Variants in SYCP1 observed in about 807,000 individuals in gnomAD.
SYCP1 encodes cancer/testis antigen 8.
In SYCP1, 64 loss-of-function variants were observed where a neutral mutation model predicts 153.1. The observed-to-expected ratio is 0.42, with a 90% confidence interval of 0.34 to 0.51. The LOEUF is 0.51. Ranked by LOEUF, SYCP1 falls within the 20% of genes least tolerant of loss-of-function variation. The probability of loss-of-function intolerance (pLI) is 0.06; values close to 1 mark genes in which losing one functional copy is unlikely to be tolerated. For synonymous variants in SYCP1, 384 were observed against 341.8 expected, an observed-to-expected ratio of 1.12 and a Z score of -1.36; for missense variants, 997 against 1,049.0, an observed-to-expected ratio of 0.95 and a Z score of 0.68.
rs1674200561 is a variant in SYCP1, at chr1:114,995,165, AG to A, written c.*147del. 9.0e-6 allele frequency: 7 copies of A among 781,450 alleles called. No homozygotes were observed. The highest frequency in any genetic ancestry group is 1.1e-5 in the Non-Finnish European group (6 of 530,548). 48.4% of individuals were successfully genotyped at this position (781,450 alleles called of 1,614,324 possible). A position where few individuals can be genotyped will look rare whatever the true frequency, so the allele number is the denominator to read the frequency against. ...ATGATTTGTGTTTCTTTATATTTTT[AG>A]CCTAAATGTTAACTACATATTGTCT... On this transcript the variant is annotated 3_prime_UTR_variant, in exon 32 of 32. Transcript: ENST00000369522.
chr1:114,943,285 G>T (rs187317725), intron 23 of SYCP1, among the ~76,000 whole-genome samples: 12 of 152,018 alleles, frequency 7.9e-5, no homozygotes, highest in East Asian at 7.7e-4. Flanking sequence ...GCACCAGGAG[G>T]TGTTTACAAG....
intron 23 of SYCP1, among the ~76,000 whole-genome samples, chr1:114,928,230 A>G (rs1669385065): frequency 4.6e-5 from 7 of 152,300 alleles, no homozygotes; most frequent in Admixed American, 3.9e-4. Flanking sequence ...ACAAAACCAT[A>G]TGTAGGCAGT....
intron 30 of SYCP1, among the ~76,000 whole-genome samples, chr1:114,993,473 T>A (rs923388355): frequency 3.3e-5 from 5 of 151,504 alleles, no homozygotes; most frequent in African/African-American, 4.8e-5. Context: ...TCCTTCCACC[T>A]CTTCCTAGCT....
rs1326598591 is a variant in SYCP1, at chr1:114,857,506, A to G, written c.291+9A>G. The G allele has an allele frequency of 8.2e-6, 13 of 1,582,734 alleles. No individual in the cohort carries two copies. The highest frequency in any genetic ancestry group is 1.4e-5 in the African/African-American group (1 of 73,876). On this transcript the variant is annotated intron_variant, in intron 5 of 31. Coordinates refer to ENST00000369522, the MANE Select transcript of SYCP1 (RefSeq NM_003176.4). Reference sequence around the variant, plus strand: ...AAGACTCTGATTTGGAGGTCAGAAGATTTCCCATTCATATTAAATTTCTTG... The same window carrying G: ...AAGACTCTGATTTGGAGGTCAGAAGGTTTCCCATTCATATTAAATTTCTTG...
intron 13 of SYCP1, 22 bp from the exon 14 acceptor site, chr1:114,886,103 T>G: frequency 2.6e-6 from 4 of 1,537,480 alleles, no homozygotes; most frequent in Non-Finnish European, 3.5e-6. Flanking sequence ...ATTGCTCTTG[T>G]TTTATACTTT....
At position 114,857,282 on chromosome 1, in the gene SYCP1, T is replaced by C. The variant is rs370642157; in HGVS notation, c.237+7T>C. On this transcript the variant is annotated splice_region_variant and intron_variant, in intron 4 of 31. Coordinates refer to ENST00000369522, the MANE Select transcript of SYCP1 (RefSeq NM_003176.4). ...CTTGCCCGTGCTTGAGCAGGTCAGT[T>C]AAGCATAGTACATGTAGATATAATC... 5.6e-6 allele frequency: 9 copies of C among 1,602,874 alleles called. No homozygotes were observed. The highest frequency in any genetic ancestry group is 7.7e-6 in the Non-Finnish European group (9 of 1,174,916).
intron 27 of SYCP1, among the ~76,000 whole-genome samples, chr1:114,967,349 T>C (rs1267406324): frequency 6.6e-6 from 1 of 152,232 alleles, no homozygotes; most frequent in African/African-American, 2.4e-5. Context: ...TTTATGAATC[T>C]GGGTGCTCTT....
At chr1:114,882,370 TTC>T (rs1445265312) in intron 12 of SYCP1, among the ~76,000 whole-genome samples, 1 of 152,262 alleles carries the variant, frequency 6.6e-6, no homozygotes, top group African/African-American at 2.4e-5. Flanking sequence ...ACTAATTTTC[TTC>T]TCTTTTATTT....
chr1:114,871,826 T>A (rs1665154483), intron 8 of SYCP1, among the ~76,000 whole-genome samples: 1 of 152,206 alleles, frequency 6.6e-6, no homozygotes, highest in Non-Finnish European at 1.5e-5. Context: ...CCTCAAGTGA[T>A]CCAACTGCCT....
intron 27 of SYCP1, among the ~76,000 whole-genome samples, chr1:114,974,369 G>A (rs1468815708): frequency 6.6e-6 from 1 of 151,862 alleles, no homozygotes; most frequent in Non-Finnish European, 1.5e-5. Flanking sequence ...ATAACATTAA[G>A]TGCACCATCT....
intron 16 of SYCP1, among the ~76,000 whole-genome samples, chr1:114,900,870 G>C (rs1667397430): frequency 6.6e-6 from 1 of 152,154 alleles, no homozygotes; most frequent in African/African-American, 2.4e-5. Context: ...AACAAACCTT[G>C]CATCTGACCT....
At chr1:114,857,359 G>C in intron 4 of SYCP1, 84 bp downstream of exon 4, 1 of 1,516,606 alleles carries the variant, frequency 6.6e-7, no homozygotes. Context: ...TTTAGTTATT[G>C]CATTACTAGT....
chr1:114,938,499 T>C (rs1193400968), intron 23 of SYCP1, among the ~76,000 whole-genome samples: 8 of 152,122 alleles, frequency 5.3e-5, no homozygotes, highest in Middle Eastern at 6.8e-3. Context: ...TATATGTATG[T>C]AACGAACCTG....
intron 15 of SYCP1, among the ~76,000 whole-genome samples, chr1:114,894,984 T>C (rs945101006): frequency 2.6e-5 from 4 of 152,086 alleles, no homozygotes; most frequent in Non-Finnish European, 2.9e-5. Flanking sequence ...TTCCTCTACA[T>C]AGAATCTGTG....
At chr1:114,945,210 T>C (rs1428953600) in intron 25 of SYCP1, among the ~76,000 whole-genome samples, 2 of 152,052 alleles carry the variant, frequency 1.3e-5, no homozygotes, top group Non-Finnish European at 2.9e-5. Context: ...CTCTTTGTTA[T>C]CTGTGATGAA....
Position 114,992,494 on chromosome 1 carries a change from A to G in SYCP1, c.2704-2204A>G, listed in dbSNP as rs1673991669. Among the ~76,000 whole-genome samples, 2 of 151,812 alleles carry G rather than the reference A, an allele frequency of 1.3e-5. 1 individual carries two copies. Among genetic ancestry groups the G allele is most frequent in the Non-Finnish European group, 3.0e-5 (2 of 67,774 alleles). ...AGAGAGCCTAGAGATAAACCCTCAC[A>G]TACATAGTCAGTTGATTTTTGACAA... On this transcript the variant is annotated intron_variant, in intron 30 of 31. Coordinates refer to ENST00000369522, the MANE Select transcript of SYCP1 (RefSeq NM_003176.4).
intron 30 of SYCP1, among the ~76,000 whole-genome samples, chr1:114,990,922 C>T (rs535902497): frequency 1.4e-4 from 21 of 151,960 alleles, no homozygotes; most frequent in African/African-American, 4.8e-4. Context: ...AGGGAATTTC[C>T]CACAGGGTGG....
At chr1:114,992,647 A>T (rs1674003079) in intron 30 of SYCP1, among the ~76,000 whole-genome samples, 1 of 151,648 alleles carries the variant, frequency 6.6e-6, no homozygotes, top group Admixed American at 6.6e-5. Flanking sequence ...AAAATGGATG[A>T]AAGACCTAAA....
intron 8 of SYCP1, among the ~76,000 whole-genome samples, chr1:114,870,869 T>G (rs1665065796): frequency 6.6e-6 from 1 of 152,198 alleles, no homozygotes; most frequent in Admixed American, 6.5e-5. Flanking sequence ...TGATTATTGA[T>G]ATAGTTGGAT....
Sources: allele counts gnomAD v4.1 joint callset (sites outside exome capture counted in the v4.1 genomes callset), GRCh38; gene constraint gnomAD v4.1.1; transcripts MANE v1.5; gene names NCBI Gene and HGNC (gene_info 2026-07-23, HGNC 2026-07-21).